Variants in CMYA5 observed in about 807,000 individuals in gnomAD.
CMYA5 encodes the protein cardiomyopathy-associated protein 5.
A neutral mutation model predicts 318.9 loss-of-function variants in CMYA5; 246 were observed. The ratio of observed to expected loss-of-function variants is 0.77; its 90% CI spans 0.70 to 0.86. The LOEUF (loss-of-function observed/expected upper bound fraction) is 0.86. Among genes scored for constraint, CMYA5 ranks in the 40% least tolerant of loss-of-function variants. The probability of loss-of-function intolerance (pLI) is 0.00; values close to 1 mark genes in which losing one functional copy is unlikely to be tolerated. For synonymous variants in CMYA5, 1,641 were observed against 1,729.5 expected (o/e 0.95, Z 1.27); for missense variants, 4,589 against 4,678.2 (o/e 0.98, Z 0.56).
intron 6 of CMYA5, among the ~76,000 whole-genome samples, chr5:79,758,474 G>A (rs1252663491): frequency 6.6e-6 from 1 of 152,092 alleles, no homozygotes; most frequent in African/African-American, 2.4e-5. Context: ...AAAGGTTGCA[G>A]TGAGCCGAGA....
At chr5:79,693,047 T>C (rs1326247351) in intron 1 of CMYA5, among the ~76,000 whole-genome samples, 1 of 152,218 alleles carries the variant, frequency 6.6e-6, no homozygotes, top group African/African-American at 2.4e-5. Context: ...AAAAGGTGTG[T>C]ATGAAGCACC....
intron 1 of CMYA5, among the ~76,000 whole-genome samples, chr5:79,713,622 A>G (rs1021816587): frequency 3.9e-5 from 6 of 152,134 alleles, no homozygotes; most frequent in African/African-American, 1.4e-4. Context: ...CCAAGACCTG[A>G]ATAGATAGAT....
chr5:79,794,123 C>G (rs973316168), intron 12 of CMYA5, among the ~76,000 whole-genome samples: 4 of 152,224 alleles, frequency 2.6e-5, no homozygotes, highest in African/African-American at 7.2e-5. Flanking sequence ...TCCAACACCT[C>G]CCTCCACATT....
intron 11 of CMYA5, among the ~76,000 whole-genome samples, chr5:79,791,618 G>C (rs1240898591): frequency 6.6e-6 from 1 of 151,666 alleles, no homozygotes; most frequent in African/African-American, 2.4e-5. Context: ...CTACTCGGAG[G>C]CTGAGGCAGG....
Position 79,734,071 on chromosome 5 carries a change from T to C in CMYA5, c.5306T>C (p.Ile1769Thr), listed in dbSNP as rs775161794. 1.9e-6 allele frequency: 3 copies of C among 1,613,744 alleles called. No individual in the cohort carries two copies. The highest frequency in any genetic ancestry group is 1.7e-4 in the Middle Eastern group (1 of 6,060). Residue 1769 changes from isoleucine to threonine, a missense_variant, in exon 2 of 13, where the codon ATA (isoleucine) becomes ACA (threonine). Physicochemically the swap from Ile to Thr is moderately conservative, Grantham distance 89. Around this residue, in one of 3 missense-constraint regions of CMYA5, gnomAD observed 2,132 missense variants for 2,131.3 expected, o/e 1.00. Coordinates refer to ENST00000446378, the MANE Select transcript of CMYA5 (RefSeq NM_153610.5). Reference sequence around the variant, plus strand: ...TTTAAAAAGGGAGGAAATCAAGAAATAGGCCCATTACCACCAACTGGAAAT... The same window carrying C: ...TTTAAAAAGGGAGGAAATCAAGAAACAGGCCCATTACCACCAACTGGAAAT... Reference protein sequence around the residue: ...ADFKKGGNQEIGPLPPTGNLK... With the variant: ...ADFKKGGNQETGPLPPTGNLK...
intron 9 of CMYA5, among the ~76,000 whole-genome samples, chr5:79,784,923 C>T (rs259092): frequency 0.046 from 7,024 of 152,012 alleles, 329 homozygotes; most frequent in East Asian, 0.27. Flanking sequence ...TGTTCCTATT[C>T]GGCCATCTTG....
intron 12 of CMYA5, among the ~76,000 whole-genome samples, chr5:79,794,773 C>T (rs1307357196): frequency 1.3e-5 from 2 of 152,198 alleles, no homozygotes; most frequent in Non-Finnish European, 2.9e-5. Flanking sequence ...TTTTGCATAT[C>T]TCTGGCTGCA....
intron 1 of CMYA5, among the ~76,000 whole-genome samples, chr5:79,709,960 CAAAAAA>C (rs61657639): frequency 5.4e-3 from 132 of 24,304 alleles, no homozygotes; most frequent in African/African-American, 0.017. Context: ...GACTCCATCT[CAAAAAA>C]AAAAAAAAAA....
chr5:79,773,696 GTGAATGAA>G (rs148088756), intron 9 of CMYA5, among the ~76,000 whole-genome samples: 16 of 151,994 alleles, frequency 1.1e-4, no homozygotes, highest in Admixed American at 3.9e-4. Context: ...TCACGAATGA[GTGAATGAA>G]TGAATGAATG....
intron 9 of CMYA5, among the ~76,000 whole-genome samples, chr5:79,764,919 T>G (rs577891906): frequency 5.3e-5 from 8 of 152,304 alleles, no homozygotes; most frequent in Non-Finnish European, 8.8e-5. Flanking sequence ...TTGCAAAAAT[T>G]TTCTCCCATT....
chr5:79,743,076 G>A (rs1450682615), intron 2 of CMYA5, among the ~76,000 whole-genome samples: 1 of 152,178 alleles, frequency 6.6e-6, no homozygotes, highest in Non-Finnish European at 1.5e-5. Flanking sequence ...GCCATAGAGG[G>A]AAGTAGAGAC....
At chr5:79,750,462 C>T (rs553179218) in intron 5 of CMYA5, among the ~76,000 whole-genome samples, 1 of 152,280 alleles carries the variant, frequency 6.6e-6, no homozygotes, top group Admixed American at 6.5e-5. Flanking sequence ...TCAAACAGTA[C>T]ACATGGATTT....
At chr5:79,755,212 G>A (rs527955407) in intron 6 of CMYA5, among the ~76,000 whole-genome samples, 1 of 152,196 alleles carries the variant, frequency 6.6e-6, no homozygotes, top group South Asian at 2.1e-4. Context: ...CAGGCAGAGG[G>A]GTGATTCTTC....
chr5:79,713,298 C>CTGCA (rs1456097315), intron 1 of CMYA5, among the ~76,000 whole-genome samples: 5 of 39,538 alleles, frequency 1.3e-4, no homozygotes, highest in African/African-American at 4.2e-4. Context: ...CTGCACCCCG[C>CTGCA]CCCCACCCCC....
In CMYA5 at chr5:79,739,303, G is replaced by C. The variant is rs1411293778; in HGVS notation, c.10538G>C (p.Cys3513Ser). The C allele has an allele frequency of 1.2e-6, 2 of 1,601,406 alleles. No individual in the cohort carries two copies. Residue 3513 changes from cysteine to serine, a missense_variant, in exon 2 of 13, where the codon TGT becomes TCT. By Grantham distance (112) the Cys-to-Ser change is moderately radical (BLOSUM62 -1). Coordinates refer to ENST00000446378, the MANE Select transcript of CMYA5 (RefSeq NM_153610.5). Reference sequence around the variant, plus strand: ...AAAAAGTCCCAGATTGACACATACTGTTACACCTGCAAATGTCCAATTTCT... The same window carrying C: ...AAAAAGTCCCAGATTGACACATACTCTTACACCTGCAAATGTCCAATTTCT... ...ELKKSQIDTY[C>S]YTCKCPISAT...
rs115560572 is a variant in CMYA5 at position 79,791,137 on chromosome 5, A to G, written c.11789+68A>G. On this transcript the variant is annotated intron_variant, in intron 11 of 12. Transcript: ENST00000446378. Reference sequence around the variant, plus strand: ...GTAGGGTCTTAGGGTGTGTCGCCTCAGGGTGGCCTCCGCTGAGCATATTCA... The same window carrying G: ...GTAGGGTCTTAGGGTGTGTCGCCTCGGGGTGGCCTCCGCTGAGCATATTCA... 1.2e-3 allele frequency: 1,294 copies of G among 1,089,090 alleles called. 8 individuals carry two copies. The African/African-American group carries it at 0.017, about 14-fold the overall frequency. The allele number at this position is 1,089,090 out of a possible 1,614,324, so 67.5% of individuals were successfully genotyped here.
intron 9 of CMYA5, among the ~76,000 whole-genome samples, chr5:79,764,446 T>C (rs1170963061): frequency 6.6e-6 from 1 of 152,214 alleles, no homozygotes; most frequent in Non-Finnish European, 1.5e-5. Flanking sequence ...AGTGCCGCAA[T>C]AAACATACGT....
At chr5:79,748,163 A>G (rs1449577702) in intron 5 of CMYA5, among the ~76,000 whole-genome samples, 1 of 152,234 alleles carries the variant, frequency 6.6e-6, no homozygotes, top group African/African-American at 2.4e-5. Flanking sequence ...GCTTTTAAAA[A>G]TGCTGATGCC....
intron 1 of CMYA5, among the ~76,000 whole-genome samples, chr5:79,701,333 A>G (rs1188421779): frequency 6.6e-6 from 1 of 152,164 alleles, no homozygotes; most frequent in African/African-American, 2.4e-5. Context: ...TTGACTGTAC[A>G]TTTCAAAATA....
Sources: gnomAD v4.1 joint callset for allele counts (sites outside exome capture counted in the v4.1 genomes callset) on GRCh38, gnomAD v4.1.1 for gene constraint, gnomAD v4.1.1 regional missense constraint, MANE v1.5 for transcripts, NCBI Gene and HGNC (gene_info 2026-07-23, HGNC 2026-07-21) for gene names.